The following SLC25A53 variants were observed in gnomAD, a reference collection of about 807,000 sequenced individuals.
The protein encoded by SLC25A53 is solute carrier family 25 member 53.
A neutral mutation model predicts 15.0 loss-of-function variants in SLC25A53; 5 were observed. The observed-to-expected ratio is 0.33, with a 90% CI of 0.17 to 0.70. SLC25A53 has a LOEUF of 0.70. Among genes scored for constraint, SLC25A53 ranks in the 30% least tolerant of loss-of-function variants. SLC25A53 has a pLI of 0.67. For missense variants in SLC25A53, 216 were observed against 241.6 expected (o/e 0.89, Z 0.70); for synonymous variants, 95 against 100.0 (o/e 0.95, Z 0.30).
chrX:104,122,252 C>T (rs1177761716), intron 1 of SLC25A53, among the ~76,000 whole-genome samples: 1 of 106,536 alleles, frequency 9.4e-6, no homozygotes, highest in African/African-American at 3.4e-5. Flanking sequence ...TCCATTTTTC[C>T]AGAGGTTTAT....
chrX:104,108,359 A>T (rs2075322360), intron 1 of SLC25A53, among the ~76,000 whole-genome samples: 2 of 111,631 alleles, frequency 1.8e-5, no homozygotes, highest in African/African-American at 6.5e-5. Flanking sequence ...AGTGGTTGAG[A>T]ATCCATAACA....
At chrX:104,117,403 C>T (rs782120470) in intron 1 of SLC25A53, among the ~76,000 whole-genome samples, 60 of 111,449 alleles carry the variant, frequency 5.4e-4, no homozygotes, top group African/African-American at 1.7e-3. Context: ...CCCCCTCCTC[C>T]GCATTCCATG....
intron 1 of SLC25A53, among the ~76,000 whole-genome samples, chrX:104,124,839 C>CTTTTTTTT (rs34662574): frequency 2.1e-4 from 13 of 62,273 alleles, no homozygotes; most frequent in Non-Finnish European, 2.4e-4. Context: ...AACTTTTTTC[C>CTTTTTTTT]TTTTTTTTTT....
chrX:104,125,035 G>T (rs912661150), intron 1 of SLC25A53, among the ~76,000 whole-genome samples: 2 of 107,670 alleles, frequency 1.9e-5, no homozygotes, highest in Admixed American at 2.0e-4. Flanking sequence ...TAGAAACATG[G>T]GGTTTCGCCA....
intron 1 of SLC25A53, among the ~76,000 whole-genome samples, chrX:104,150,939 T>C (rs373841012): frequency 6.3e-5 from 7 of 111,438 alleles, no homozygotes; most frequent in African/African-American, 2.3e-4. Context: ...ACGACTCCTC[T>C]AAGGACCTCG....
chrX:104,153,210 C>G (rs1025093423), intron 1 of SLC25A53, among the ~76,000 whole-genome samples: 3 of 110,214 alleles, frequency 2.7e-5, no homozygotes, highest in African/African-American at 9.9e-5. Flanking sequence ...ATTGTGAGAA[C>G]ATCATAGACT....
intron 1 of SLC25A53, chrX:104,114,074 G>A (rs782679765): frequency 8.3e-7 from 1 of 1,210,615 alleles, no homozygotes; most frequent in Non-Finnish European, 1.1e-6. Context: ...AAAAGCGCGA[G>A]CATCTTGTTG....
In SLC25A53 at chrX:104,104,787, A is replaced by G. The variant is rs782796939; in HGVS notation, c.471T>C (p.Ile157=). The change falls in exon 2 of 2, where the codon ATT becomes ATC. Residue 157 remains isoleucine (I), a synonymous_variant. Transcript: ENST00000594199. ...KQARFPSTFS[I]LKEFNSYGLW... ...GCCCATAAGAATTGAATTCCTTGAGAATGCTGAAGGTGCTGGGGAAGCGAG... is the reference window on the plus strand; with the variant it reads ...GCCCATAAGAATTGAATTCCTTGAGGATGCTGAAGGTGCTGGGGAAGCGAG... 6.6e-6 allele frequency: 8 copies of G among 1,209,651 alleles called. No individual in the cohort carries two copies. The South Asian group carries it at 1.2e-4, about 19-fold the overall frequency.
At chrX:104,126,599 C>T (rs1173977489) in intron 1 of SLC25A53, among the ~76,000 whole-genome samples, 1 of 110,989 alleles carries the variant, frequency 9.0e-6, no homozygotes, top group African/African-American at 3.3e-5. Flanking sequence ...TTCAGTGAGA[C>T]ATGATTGTGC....
intron 1 of SLC25A53, among the ~76,000 whole-genome samples, chrX:104,121,876 TA>T (rs2075393787): frequency 2.0e-5 from 1 of 49,809 alleles, no homozygotes; most frequent in Non-Finnish European, 3.6e-5. Context: ...AATGGTATGA[TA>T]TATATATATA....
rs2075276165 is a variant in SLC25A53 at position 104,100,575 on chromosome X, T to G, written c.*3759A>C. 8.9e-6 allele frequency: 1 copy of G among 112,095 alleles called. No individual in the cohort carries two copies. The highest frequency in any genetic ancestry group is 1.9e-5 in the Non-Finnish European group (1 of 53,298). The allele number at this position is 112,095 out of a possible 1,213,427, so 9.2% of individuals were successfully genotyped here. ...TTGACAGGTCTGTATAATTTTACAA[T>G]ATTGCCTAGGATTTCATATGAACCG... is the stretch of plus-strand genomic sequence containing the variant. On this transcript the variant is annotated 3_prime_UTR_variant, in exon 2 of 2. Coordinates refer to ENST00000594199, the MANE Select transcript of SLC25A53 (RefSeq NM_001012755.5).
intron 1 of SLC25A53, among the ~76,000 whole-genome samples, chrX:104,118,472 T>C (rs1260016398): frequency 8.9e-6 from 1 of 112,952 alleles, no homozygotes; most frequent in Non-Finnish European, 1.9e-5. Context: ...TCACTGCAAG[T>C]GCGATTTATT....
chrX:104,132,619 C>A (rs782752891), intron 1 of SLC25A53, among the ~76,000 whole-genome samples: 2 of 111,943 alleles, frequency 1.8e-5, no homozygotes, highest in Non-Finnish European at 3.8e-5. Flanking sequence ...CAACTATACA[C>A]CCTGGACAAA....
chrX:104,104,926 G>A lies in SLC25A53; in HGVS notation c.332C>T (p.Pro111Leu), dbSNP rs781828582. Reference protein sequence around the residue: ...SLLCFLSPVGPHTLGHRWAAG... With the variant: ...SLLCFLSPVGLHTLGHRWAAG... ...AGCCCAGCGGTGTCCCAGGGTGTGT[G>A]GCCCAACAGGAGAGAGAAAGCACAG... Residue 111 changes from proline to leucine, a missense_variant, in exon 2 of 2, where the codon CCA becomes CTA. Coordinates refer to ENST00000594199, the MANE Select transcript of SLC25A53 (RefSeq NM_001012755.5). The A allele has an allele frequency of 3.3e-5, 40 of 1,211,586 alleles. No individual in the cohort carries two copies. Among genetic ancestry groups the A allele is most frequent in the Non-Finnish European group, 4.5e-5 (40 of 895,518 alleles).
chrX:104,114,169 C>T (rs2075363896), intron 1 of SLC25A53: 2 of 1,210,267 alleles, frequency 1.7e-6, no homozygotes, highest in Non-Finnish European at 2.2e-6. Context: ...ACCTTTGCCG[C>T]CTTGGGCCCA....
chrX:104,132,759 G>A (rs1369704624), intron 1 of SLC25A53, among the ~76,000 whole-genome samples: 3 of 112,125 alleles, frequency 2.7e-5, no homozygotes, highest in Non-Finnish European at 5.6e-5. Flanking sequence ...GAACCACAGG[G>A]TAGGCCCCAA....
intron 1 of SLC25A53, chrX:104,115,554 T>C (rs1556361145): frequency 6.2e-6 from 2 of 323,856 alleles, no homozygotes; most frequent in African/African-American, 2.7e-5. Context: ...GTCTATTTCT[T>C]TGATGACTTT....
At chrX:104,105,806 A>C (rs2075306419) in intron 1 of SLC25A53, among the ~76,000 whole-genome samples, 2 of 111,607 alleles carry the variant, frequency 1.8e-5, no homozygotes, top group African/African-American at 6.5e-5. Flanking sequence ...TTCCTGCCCA[A>C]GTTGTAGCTG....
chrX:104,127,630 C>T (rs1351778198), intron 1 of SLC25A53, among the ~76,000 whole-genome samples: 4 of 111,724 alleles, frequency 3.6e-5, no homozygotes, highest in East Asian at 5.6e-4. Flanking sequence ...TTTGCAACTT[C>T]CTTGTGAGTC....
Sources: allele counts gnomAD v4.1 joint callset (sites outside exome capture counted in the v4.1 genomes callset), GRCh38; gene constraint gnomAD v4.1.1; transcripts MANE v1.5; gene names NCBI Gene and HGNC (gene_info 2026-07-23, HGNC 2026-07-21).